Variants in HECW1 observed in about 807,000 individuals in gnomAD.
HECW1 encodes the protein HECT, C2 and WW domain containing E3 ubiquitin protein ligase 1.
HECW1 carries 61 observed loss-of-function variants against 182.3 expected under a neutral mutation model. The observed-to-expected ratio is 0.33, with a 90% CI of 0.27 to 0.41. The LOEUF is 0.41. Ranked by LOEUF, HECW1 falls within the 10% of genes least tolerant of loss-of-function variation. The pLI, the probability that HECW1 is intolerant of heterozygous loss-of-function variation, is 1.00. For synonymous variants in HECW1, 859 were observed against 832.6 expected (o/e 1.03, Z -0.55); for missense variants, 1,739 against 2,108.9 (o/e 0.82, Z 3.44).
intron 24 of HECW1, among the ~76,000 whole-genome samples, chr7:43,537,795 T>TA (rs1267295669): frequency 2.0e-4 from 30 of 147,398 alleles, no homozygotes; most frequent in African/African-American, 6.6e-4. Context: ...GTTATTTTTT[T>TA]TAAAAAAGCT....
intron 13 of HECW1, among the ~76,000 whole-genome samples, chr7:43,461,141 G>A (rs970321069): frequency 6.6e-6 from 1 of 152,206 alleles, no homozygotes; most frequent in African/African-American, 2.4e-5. Context: ...ATTTCTCATG[G>A]TTCTGGTTTG....
chr7:43,351,657 C>T (rs1398521822), intron 5 of HECW1, among the ~76,000 whole-genome samples: 1 of 148,478 alleles, frequency 6.7e-6, no homozygotes, highest in African/African-American at 2.5e-5. Flanking sequence ...TTTTCTTTGT[C>T]AGCTGTTTTT....
At chr7:43,450,778 G>T in intron 11 of HECW1, 50 bp from the exon 12 acceptor site, 1 of 1,167,830 alleles carries the variant, frequency 8.6e-7, no homozygotes. Flanking sequence ...TTTTGATGAT[G>T]TTGCCACGGC....
intron 11 of HECW1, among the ~76,000 whole-genome samples, chr7:43,445,796 G>A (rs1468220732): frequency 4.6e-5 from 7 of 152,196 alleles, no homozygotes; most frequent in Admixed American, 1.3e-4. Flanking sequence ...CAGGAATTAC[G>A]ACTGGTTGGA....
chr7:43,477,861 C>A lies in HECW1; in HGVS notation c.3100-1749C>A, dbSNP rs112299985. ...TAATTTCTAAATCTGTATAAAATTTCTTTTAACTACTTTTGTCAGGTAAAC... is the reference window on the plus strand; with the variant it reads ...TAATTTCTAAATCTGTATAAAATTTATTTTAACTACTTTTGTCAGGTAAAC... On this transcript the variant is annotated intron_variant, in intron 16 of 29. Coordinates refer to ENST00000395891, the MANE Select transcript of HECW1 (RefSeq NM_015052.5). 2.6e-3 allele frequency among the ~76,000 whole-genome samples: 391 copies of A among 152,200 alleles called. 3 individuals are homozygous for A. The highest frequency in any genetic ancestry group is 8.9e-3 in the African/African-American group (368 of 41,532).
At chr7:43,156,757 C>T (rs183455637) in intron 2 of HECW1, among the ~76,000 whole-genome samples, 3 of 150,378 alleles carry the variant, frequency 2.0e-5, no homozygotes, top group Non-Finnish European at 4.4e-5. Flanking sequence ...GTGATCTGCA[C>T]TGGCCAGTGG....
intron 2 of HECW1, among the ~76,000 whole-genome samples, chr7:43,174,858 G>C (rs961284202): frequency 1.3e-5 from 2 of 152,074 alleles, no homozygotes; most frequent in Non-Finnish European, 2.9e-5. Context: ...ACATTTTGCT[G>C]TGCCCCTAAC....
intron 3 of HECW1, among the ~76,000 whole-genome samples, chr7:43,254,732 C>G (rs1163731884): frequency 6.6e-6 from 1 of 152,220 alleles, no homozygotes; most frequent in Non-Finnish European, 1.5e-5. Flanking sequence ...AGTTTAATTA[C>G]CATCTCTCTT....
chr7:43,215,280 G>T (rs1206415265), intron 2 of HECW1, among the ~76,000 whole-genome samples: 1 of 152,204 alleles, frequency 6.6e-6, no homozygotes, highest in East Asian at 1.9e-4. Context: ...CCTTGCAAGG[G>T]TCGGTTGTCC....
At position 43,190,626 on chromosome 7, in the gene HECW1, GCT is replaced by G. The variant is rs1237035634; in HGVS notation, c.-31-53243_-31-53242del. 2.0e-5 allele frequency among the ~76,000 whole-genome samples: 3 copies of G among 152,256 alleles called. No homozygotes were observed. The East Asian group carries it at 5.8e-4, about 29-fold the overall frequency. On this transcript the variant is annotated intron_variant, in intron 2 of 29. Coordinates refer to ENST00000395891, the MANE Select transcript of HECW1 (RefSeq NM_015052.5). ...ATAATTTCAGTCCTCATCTTTCTAT[GCT>G]CTCTCCAAGGACCAGAGCTTGCTGC...
chr7:43,176,571 C>T (rs1251553133), intron 2 of HECW1, among the ~76,000 whole-genome samples: 1 of 152,136 alleles, frequency 6.6e-6, no homozygotes, highest in Non-Finnish European at 1.5e-5. Context: ...GTGGGGGGCT[C>T]ACAATAGATG....
intron 2 of HECW1, among the ~76,000 whole-genome samples, chr7:43,132,863 G>C (rs961111214): frequency 1.3e-5 from 2 of 152,056 alleles, no homozygotes; most frequent in South Asian, 4.1e-4. Context: ...GCTAAAATTA[G>C]AACGATAATA....
At chr7:43,434,512 A>G (rs2152868601) in intron 8 of HECW1, among the ~76,000 whole-genome samples, 1 of 152,360 alleles carries the variant, frequency 6.6e-6, no homozygotes, top group African/African-American at 2.4e-5. Context: ...GCTTGAAGTA[A>G]AGGCCAAGTC....
intron 2 of HECW1, among the ~76,000 whole-genome samples, chr7:43,133,695 G>A (rs1481921408): frequency 6.6e-6 from 1 of 151,328 alleles, no homozygotes; most frequent in African/African-American, 2.4e-5. Flanking sequence ...ACTAAGATTA[G>A]TTGTAAATGT....
At chr7:43,415,245 A>G (rs1361225997) in intron 8 of HECW1, among the ~76,000 whole-genome samples, 172 of 142,848 alleles carry the variant, frequency 1.2e-3, no homozygotes, top group Admixed American at 1.6e-3. Flanking sequence ...ATCTCTCAGC[A>G]TTTGCTTGTC....
At chr7:43,493,970 G>C (rs570949358) in intron 19 of HECW1, among the ~76,000 whole-genome samples, 11 of 152,292 alleles carry the variant, frequency 7.2e-5, no homozygotes, top group African/African-American at 2.4e-4. Context: ...GGCAGGGCAG[G>C]CTAGAATCCC....
chr7:43,173,456 C>T (rs901742197), intron 2 of HECW1, among the ~76,000 whole-genome samples: 1 of 152,130 alleles, frequency 6.6e-6, no homozygotes, highest in Non-Finnish European at 1.5e-5. Context: ...GGCAGCAGTC[C>T]CCAATATTTT....
At chr7:43,279,085 T>G (rs1803558730) in intron 3 of HECW1, among the ~76,000 whole-genome samples, 1 of 152,224 alleles carries the variant, frequency 6.6e-6, no homozygotes, top group South Asian at 2.1e-4. Context: ...TTCTTTGAGC[T>G]GGGTTAGATT....
chr7:43,393,820 A>G (rs1448953012), intron 6 of HECW1, among the ~76,000 whole-genome samples: 1 of 152,148 alleles, frequency 6.6e-6, no homozygotes, highest in Admixed American at 6.6e-5. Context: ...GAATAAATGT[A>G]CCATCCTTTG....
Sources: allele counts gnomAD v4.1 joint callset (sites outside exome capture counted in the v4.1 genomes callset), GRCh38; gene constraint gnomAD v4.1.1; transcripts MANE v1.5; gene names NCBI Gene and HGNC (gene_info 2026-07-23, HGNC 2026-07-21).